CERKL: variants seen among roughly 807,000 people sequenced by gnomAD.
The protein encoded by CERKL is CERK like autophagy regulator, also known as ceramide kinase-like protein.
A neutral mutation model predicts 63.4 loss-of-function variants in CERKL; 61 were observed. That is an observed-to-expected ratio of 0.96 (90% confidence interval 0.78 to 1.19). CERKL has a LOEUF of 1.19. Ranked by LOEUF, CERKL falls within the 50% of genes most tolerant of loss-of-function variation. CERKL has a pLI of 0.00. For missense variants in CERKL, 675 were observed against 655.5 expected, an observed-to-expected ratio of 1.03 and a Z score of -0.33; for synonymous variants, 250 against 230.5, an observed-to-expected ratio of 1.08 and a Z score of -0.77.
At chr2:181,650,345 G>A (rs540483109) in intron 1 of CERKL, among the ~76,000 whole-genome samples, 6 of 152,226 alleles carry the variant, frequency 3.9e-5, no homozygotes, top group African/African-American at 1.4e-4. Flanking sequence ...CAAAACCTAC[G>A]AAACATAGCA....
chr2:181,606,059 A>T (rs1014775310), intron 1 of CERKL, among the ~76,000 whole-genome samples: 1 of 151,232 alleles, frequency 6.6e-6, no homozygotes, highest in African/African-American at 2.4e-5. Flanking sequence ...AAGGGAAATT[A>T]AAAAAAGGAA....
Position 181,548,869 on chromosome 2 carries a change from C to T in CERKL, c.896-12G>A, listed in dbSNP as rs530250724. The T allele has an allele frequency of 5.3e-5, 85 of 1,609,636 alleles. No homozygotes were observed. Among genetic ancestry groups the T allele is most frequent in the East Asian group, 2.9e-4 (13 of 44,798 alleles). On this transcript the variant is annotated splice_polypyrimidine_tract_variant and intron_variant, in intron 6 of 12. Coordinates refer to ENST00000410087, the MANE Select transcript of CERKL (RefSeq NM_201548.5). ...CAGCTGTACATGCCCTTGAATATTACATTAAATATTAATCAGTGAGTACAG... is the reference window on the plus strand; with the variant it reads ...CAGCTGTACATGCCCTTGAATATTATATTAAATATTAATCAGTGAGTACAG...
chr2:181,577,061 G>T (rs1684263180), intron 2 of CERKL, among the ~76,000 whole-genome samples: 1 of 152,160 alleles, frequency 6.6e-6, no homozygotes, highest in Non-Finnish European at 1.5e-5. Flanking sequence ...TTAGTAGTCT[G>T]GGGTGTGGTC....
intron 5 of CERKL, among the ~76,000 whole-genome samples, chr2:181,554,733 C>T: frequency 6.6e-6 from 1 of 152,130 alleles, no homozygotes; most frequent in East Asian, 1.9e-4. Context: ...GATTAATTTA[C>T]TAAACACTCT....
intron 2 of CERKL, among the ~76,000 whole-genome samples, chr2:181,582,018 A>C (rs1468065745): frequency 1.3e-5 from 2 of 152,182 alleles, no homozygotes; most frequent in South Asian, 2.1e-4. Context: ...AAAAAACATA[A>C]ATCTCATTTT....
chr2:181,649,719 T>C (rs1209834328), intron 1 of CERKL: 1 of 152,190 alleles, frequency 6.6e-6, no homozygotes, highest in Non-Finnish European at 1.5e-5. Context: ...GTATCTTTAC[T>C]GACCACAGCG....
chr2:181,605,635 C>T (rs531002183), intron 1 of CERKL, among the ~76,000 whole-genome samples: 44 of 152,024 alleles, frequency 2.9e-4, no homozygotes, highest in Non-Finnish European at 1.6e-4. Flanking sequence ...TAGAACAATG[C>T]CAAAAAAATA....
intron 1 of CERKL, among the ~76,000 whole-genome samples, chr2:181,620,999 TAAC>T (rs1686424593): frequency 6.6e-6 from 1 of 152,210 alleles, no homozygotes; most frequent in Non-Finnish European, 1.5e-5. Context: ...AAATCCAAGT[TAAC>T]AACATTCAAG....
intron 2 of CERKL, among the ~76,000 whole-genome samples, chr2:181,590,284 T>C (rs1684938450): frequency 6.6e-6 from 1 of 152,080 alleles, no homozygotes. Context: ...ATCACAAGCA[T>C]GTGCCACCAA....
At chr2:181,601,251 T>C (rs1685446923) in intron 2 of CERKL, among the ~76,000 whole-genome samples, 1 of 152,160 alleles carries the variant, frequency 6.6e-6, no homozygotes, top group Non-Finnish European at 1.5e-5. Context: ...AAAAACTTCT[T>C]GAGATATTAG....
chr2:181,554,096 A>C (rs1688101659), intron 5 of CERKL, among the ~76,000 whole-genome samples: 1 of 151,936 alleles, frequency 6.6e-6, no homozygotes, highest in African/African-American at 2.4e-5. Flanking sequence ...AAATACAAAA[A>C]AGTAAGGACA....
At chr2:181,571,995 T>C (rs933172401) in intron 3 of CERKL, among the ~76,000 whole-genome samples, 1 of 152,150 alleles carries the variant, frequency 6.6e-6, no homozygotes, top group African/African-American at 2.4e-5. Context: ...TATTTTATGA[T>C]GATAGAGTAA....
At position 181,546,899 on chromosome 2, in the gene CERKL, A is replaced by C. The variant is rs572590703; in HGVS notation, c.1268+719T>G. On this transcript the variant is annotated intron_variant, in intron 10 of 12. Transcript: ENST00000410087. ...ATGGTTTGGCTTTGTGTTCCCACTC[A>C]AATCTCATCTTGTAGCTCTCATAAT... is the stretch of plus-strand genomic sequence containing the variant. Among the ~76,000 whole-genome samples the C allele has an allele frequency of 6.6e-5, 10 of 152,348 alleles. No individual in the cohort carries two copies. In the East Asian group the frequency reaches 1.9e-3, roughly 29 times the overall value.
chr2:181,637,553 T>C (rs891598616), intron 1 of CERKL, among the ~76,000 whole-genome samples: 2 of 151,776 alleles, frequency 1.3e-5, no homozygotes, highest in Non-Finnish European at 2.9e-5. Flanking sequence ...GTGGGGGTAA[T>C]GAAAAGAATA....
intron 2 of CERKL, chr2:181,603,081 A>C (rs1484329129): frequency 3.8e-6 from 1 of 265,750 alleles, no homozygotes; most frequent in Non-Finnish European, 8.2e-6. Flanking sequence ...ATCCTAATAA[A>C]CATGTTCTCT....
At chr2:181,597,852 G>A (rs1685285334) in intron 2 of CERKL, among the ~76,000 whole-genome samples, 1 of 151,944 alleles carries the variant, frequency 6.6e-6, no homozygotes, top group African/African-American at 2.4e-5. Flanking sequence ...AGTTCCCAGG[G>A]AGCTATGGAA....
In CERKL at chr2:181,547,600, A is replaced by G. The variant is rs1574435428; in HGVS notation, c.1268+18T>C. On this transcript the variant is annotated intron_variant, in intron 10 of 12. Coordinates refer to ENST00000410087, the MANE Select transcript of CERKL (RefSeq NM_201548.5). ...CTATAAGAAATGTATCAACAATTCA[A>G]TAAAAATGCTTACTAACCTGGTATT... The G allele has an allele frequency of 4.4e-6, 7 of 1,604,190 alleles. No individual in the cohort carries two copies. Among genetic ancestry groups the G allele is most frequent in the South Asian group, 3.3e-5 (3 of 90,846 alleles).
chr2:181,564,141 T>G (rs1688566160), intron 4 of CERKL, among the ~76,000 whole-genome samples: 1 of 152,132 alleles, frequency 6.6e-6, no homozygotes, highest in Non-Finnish European at 1.5e-5. Context: ...TGTGAGAATC[T>G]AATGCTGCTG....
chr2:181,546,988 T>C (rs191280914), intron 10 of CERKL, among the ~76,000 whole-genome samples: 189 of 152,242 alleles, frequency 1.2e-3, no homozygotes, highest in African/African-American at 4.3e-3. Context: ...GTCTTTCCTG[T>C]GCTGCTCTCA....
Sources: gnomAD v4.1 joint callset for allele counts (sites outside exome capture counted in the v4.1 genomes callset) on GRCh38, gnomAD v4.1.1 for gene constraint, MANE v1.5 for transcripts, NCBI Gene and HGNC (gene_info 2026-07-23, HGNC 2026-07-21) for gene names.